SVIL: variants seen among roughly 807,000 people sequenced by gnomAD.
SVIL encodes supervillin, also known as archvillin.
SVIL carries 101 observed loss-of-function variants against 240.4 expected under a neutral mutation model. The ratio of observed to expected loss-of-function variants is 0.42; its 90% CI spans 0.36 to 0.50. The LOEUF is 0.50. Ranked by LOEUF, SVIL falls within the 20% of genes least tolerant of loss-of-function variation. The pLI is 0.01. For synonymous variants in SVIL, 999 were observed against 1,100.0 expected, an observed-to-expected ratio of 0.91 and a Z score of 1.82; for missense variants, 2,512 against 2,818.7, an observed-to-expected ratio of 0.89 and a Z score of 2.46.
chr10:29,558,346 G>A (rs1954127055), intron 3 of SVIL, among the ~76,000 whole-genome samples: 1 of 152,076 alleles, frequency 6.6e-6, no homozygotes, highest in African/African-American at 2.4e-5. Context: ...TAAATGTATT[G>A]GTGAGCTTAT....
rs1356737363 is a variant in SVIL, at chr10:29,697,148, G to T, written c.-399-10497C>A. On this transcript the variant is annotated intron_variant, in intron 1 of 35. Coordinates refer to the SVIL transcript ENST00000375400. ...CTCCGTCCGGGAGGGAGGTGGGGGG[G>T]GTCAGCGCCCCCTCCCGGCCAGCCG... Among the ~76,000 whole-genome samples the T allele has an allele frequency of 4.0e-4, 41 of 101,782 alleles. No homozygotes were observed. In the South Asian group the frequency reaches 7.3e-3, roughly 18 times the overall value. The allele number at this position is 101,782 out of a possible 152,430, so 66.8% of individuals were successfully genotyped here. A position where few individuals can be genotyped will look rare whatever the true frequency, so the allele number is the denominator to read the frequency against.
At chr10:29,628,233 C>T (rs551630381) in intron 1 of SVIL, among the ~76,000 whole-genome samples, 1 of 152,298 alleles carries the variant, frequency 6.6e-6, no homozygotes, top group South Asian at 2.1e-4. Context: ...ATATTTTAAG[C>T]TACTGAAAAT....
In SVIL at chr10:29,634,638, C is replaced by G. The variant is rs1360417705; in HGVS notation, c.-419G>C. 6.6e-6 allele frequency: 1 copy of G among 152,068 alleles called. No individual in the cohort carries two copies. The highest frequency in any genetic ancestry group is 1.5e-5 in the Non-Finnish European group (1 of 68,020). The allele number at this position is 152,068 out of a possible 1,614,324, so 9.4% of individuals were successfully genotyped here. Reference sequence around the variant, plus strand: ...AAATCCCAAAAGTTAGCCCAAATAGCGTTGTACAAAATCAAAGATCACGAT... The same window carrying G: ...AAATCCCAAAAGTTAGCCCAAATAGGGTTGTACAAAATCAAAGATCACGAT... On this transcript the variant is annotated 5_prime_UTR_variant, in exon 1 of 38. Coordinates refer to ENST00000355867, the MANE Select transcript of SVIL (RefSeq NM_021738.3).
upstream of SVIL, among the ~76,000 whole-genome samples, chr10:29,639,747 G>T (rs1010665150): frequency 6.6e-6 from 1 of 152,128 alleles, no homozygotes; most frequent in South Asian, 2.1e-4. Context: ...GATTACAGGC[G>T]TGAGCCACCA....
rs180812267 is a variant in SVIL, at chr10:29,459,410, C to G, written c.6403-821G>C. ...CTCTGGAAAAATGTTTAGGGACTGT[C>G]CCATGAGTGAATTATGGACTAAGAT... On this transcript the variant is annotated intron_variant, in intron 36 of 37. Coordinates refer to ENST00000355867, the MANE Select transcript of SVIL (RefSeq NM_021738.3). Among the ~76,000 whole-genome samples the G allele has an allele frequency of 3.3e-5, 5 of 152,248 alleles. No homozygotes were observed. The East Asian group carries it at 9.7e-4, about 29-fold the overall frequency.
intron 17 of SVIL, among the ~76,000 whole-genome samples, chr10:29,509,736 G>A (rs1949687317): frequency 6.6e-6 from 1 of 152,158 alleles, no homozygotes; most frequent in Non-Finnish European, 1.5e-5. Flanking sequence ...TGTAATCGCA[G>A]CTACTCGGGA....
intron 17 of SVIL, among the ~76,000 whole-genome samples, chr10:29,504,963 T>C (rs1248226862): frequency 1.3e-5 from 2 of 152,178 alleles, no homozygotes; most frequent in African/African-American, 2.4e-5. Flanking sequence ...AGTAGATTAA[T>C]AGACAAATAA....
rs952738754 is a variant in SVIL, at chr10:29,679,200, G to A, written c.-301+7353C>T. Reference sequence around the variant, plus strand: ...AGCCTGGGCAACAGAGAGAGACTCCGTCACAAACAAACAAACAAACAAAAC... The same window carrying A: ...AGCCTGGGCAACAGAGAGAGACTCCATCACAAACAAACAAACAAACAAAAC... On this transcript the variant is annotated intron_variant, in intron 2 of 35. Transcript: ENST00000375400. 1.8e-4 allele frequency among the ~76,000 whole-genome samples: 27 copies of A among 152,200 alleles called. No homozygotes were observed. In the South Asian group the frequency reaches 3.9e-3, roughly 22 times the overall value.
chr10:29,652,933 T>C (rs368991427), intron 3 of SVIL, among the ~76,000 whole-genome samples: 1 of 152,204 alleles, frequency 6.6e-6, no homozygotes, highest in Non-Finnish European at 1.5e-5. Context: ...TTCTAGATAC[T>C]GTCCTTTATG....
Position 29,486,542 on chromosome 10 carries a change from T to C in SVIL, c.4501A>G (p.Thr1501Ala), listed in dbSNP as rs141867396. The C allele has an allele frequency of 1.5e-4, 242 of 1,614,032 alleles. No homozygotes were observed. Among genetic ancestry groups the C allele is most frequent in the Non-Finnish European group, 1.8e-4 (218 of 1,180,042 alleles). The change falls in exon 25 of 38, where the codon ACT becomes GCT. Residue 1501 changes from threonine to alanine, a missense_variant. Thr to Ala is a moderately conservative substitution (Grantham distance 58). Around this residue, in one of 3 missense-constraint regions of SVIL, gnomAD observed 797 missense variants for 925.3 expected, o/e 0.86. Coordinates refer to ENST00000355867, the MANE Select transcript of SVIL (RefSeq NM_021738.3). ...AGTTCCCTCTTTGTCTGAATTAAAG[T>C]TGCAAGTTCTGAGGCCTAAAAAAGA... ...IEKAKASELA[T>A]LIQTKRELGC...
chr10:29,515,289 T>A (rs533254836), intron 16 of SVIL, among the ~76,000 whole-genome samples: 39 of 152,298 alleles, frequency 2.6e-4, no homozygotes, highest in African/African-American at 9.4e-4. Context: ...GGACACGAAG[T>A]CGAAATTCCT....
At chr10:29,662,583 A>T (rs1411283271) in intron 2 of SVIL, among the ~76,000 whole-genome samples, 4 of 152,142 alleles carry the variant, frequency 2.6e-5, no homozygotes, top group African/African-American at 9.7e-5. Context: ...CACCCCTCAG[A>T]TAGCTGCCTA....
intron 29 of SVIL, among the ~76,000 whole-genome samples, chr10:29,478,267 T>G (rs1020849958): frequency 6.6e-6 from 1 of 152,246 alleles, no homozygotes; most frequent in Non-Finnish European, 1.5e-5. Context: ...GACTCTTTGT[T>G]ATTAATTGTT....
intron 6 of SVIL, among the ~76,000 whole-genome samples, chr10:29,542,199 A>G (rs1455255290): frequency 1.3e-5 from 2 of 152,062 alleles, no homozygotes; most frequent in Non-Finnish European, 2.9e-5. Flanking sequence ...TTCAAACAGC[A>G]CTGCTATAGT....
chr10:29,653,000 CTT>C (rs895855388), intron 3 of SVIL, among the ~76,000 whole-genome samples: 2 of 141,264 alleles, frequency 1.4e-5, no homozygotes. Context: ...TTTCCTTTTC[CTT>C]TTTTTTTTTT....
intron 1 of SVIL, among the ~76,000 whole-genome samples, chr10:29,719,519 C>G (rs1963846710): frequency 6.6e-6 from 1 of 152,090 alleles, no homozygotes; most frequent in Non-Finnish European, 1.5e-5. Flanking sequence ...AAAATACAAC[C>G]CACAACGAGG....
chr10:29,515,723 A>G (rs1209034594), intron 16 of SVIL, among the ~76,000 whole-genome samples: 2 of 152,218 alleles, frequency 1.3e-5, no homozygotes, highest in Admixed American at 1.3e-4. Flanking sequence ...AGTTGAGTTC[A>G]TTAAAAGTCA....
intron 16 of SVIL, among the ~76,000 whole-genome samples, chr10:29,517,029 T>A (rs1365605913): frequency 6.6e-6 from 1 of 152,180 alleles, no homozygotes; most frequent in Non-Finnish European, 1.5e-5. Flanking sequence ...CACACTTAAG[T>A]ACTTATATTA....
chr10:29,544,201 T>A (rs1952424109), intron 6 of SVIL, among the ~76,000 whole-genome samples: 1 of 152,232 alleles, frequency 6.6e-6, no homozygotes, highest in Admixed American at 6.5e-5. Context: ...GCTCTAATTA[T>A]ATAACAGCTT....
Sources: allele counts gnomAD v4.1 joint callset (sites outside exome capture counted in the v4.1 genomes callset), GRCh38; gene constraint gnomAD v4.1.1; regional missense constraint gnomAD v4.1.1; transcripts MANE v1.5; gene names NCBI Gene and HGNC (gene_info 2026-07-23, HGNC 2026-07-21).